The following CPNE8 variants were observed in gnomAD, a reference collection of about 807,000 sequenced individuals.
CPNE8 encodes the protein copine-8.
A neutral mutation model predicts 81.5 loss-of-function variants in CPNE8; 45 were observed. The ratio of observed to expected loss-of-function variants is 0.55; its 90% confidence interval spans 0.44 to 0.71. CPNE8 has a LOEUF of 0.71. Among genes scored for constraint, CPNE8 ranks in the 30% least tolerant of loss-of-function variants. CPNE8 has a pLI of 0.00. For synonymous variants in CPNE8, 252 were observed against 226.3 expected (o/e 1.11, Z -1.02); for missense variants, 594 against 672.1 (o/e 0.88, Z 1.28).
At chr12:38,703,159 G>A (rs190585556) in intron 13 of CPNE8, among the ~76,000 whole-genome samples, 234 of 151,958 alleles carry the variant, frequency 1.5e-3, no homozygotes, top group African/African-American at 5.4e-3. Context: ...CTAAAGTCTC[G>A]GGAATAAAAG....
upstream of CPNE8, chr12:38,906,758 G>C (rs1169157681): frequency 3.5e-6 from 1 of 285,736 alleles, no homozygotes; most frequent in African/African-American, 2.3e-5. Flanking sequence ...TGCCTCACCC[G>C]AGCGCCTGCG....
intron 10 of CPNE8, among the ~76,000 whole-genome samples, chr12:38,747,609 T>C (rs934352508): frequency 3.3e-5 from 5 of 152,174 alleles, no homozygotes; most frequent in Non-Finnish European, 5.9e-5. Context: ...GAAAATATTC[T>C]AGATACACTG....
At chr12:38,768,332 A>G (rs1941731981) in intron 7 of CPNE8, among the ~76,000 whole-genome samples, 2 of 152,126 alleles carry the variant, frequency 1.3e-5, no homozygotes, top group African/African-American at 4.8e-5. Flanking sequence ...TTTGCATGTT[A>G]ATTATTATGT....
intron 3 of CPNE8, among the ~76,000 whole-genome samples, chr12:38,865,830 C>A (rs1205051879): frequency 6.6e-6 from 1 of 152,172 alleles, no homozygotes. Flanking sequence ...CAGCTAACAA[C>A]CAGCAAAGTT....
At chr12:38,702,389 G>A (rs1939969063) in intron 14 of CPNE8, among the ~76,000 whole-genome samples, 1 of 152,012 alleles carries the variant, frequency 6.6e-6, no homozygotes, top group Admixed American at 6.6e-5. Context: ...GTTAACATAA[G>A]TAATTATTAA....
intron 3 of CPNE8, among the ~76,000 whole-genome samples, chr12:38,852,239 C>G (rs555297631): frequency 6.6e-6 from 1 of 152,124 alleles, no homozygotes; most frequent in Admixed American, 6.5e-5. Flanking sequence ...ACCAGCCTGA[C>G]CAACATGGAG....
At chr12:38,682,091 A>G (rs1003961788) in intron 16 of CPNE8, among the ~76,000 whole-genome samples, 26 of 152,070 alleles carry the variant, frequency 1.7e-4, no homozygotes, top group Non-Finnish European at 2.9e-5. Context: ...GTGGTGGCAC[A>G]TACCAGTATT....
intron 18 of CPNE8, 120 bp downstream of exon 18, chr12:38,675,597 A>C: frequency 1.5e-6 from 1 of 673,410 alleles, no homozygotes; most frequent in Non-Finnish European, 2.6e-6. Flanking sequence ...TGAACATTAT[A>C]TACAAACCCA....
At chr12:38,662,684 C>A (rs1938985171) in intron 19 of CPNE8, among the ~76,000 whole-genome samples, 1 of 152,050 alleles carries the variant, frequency 6.6e-6, no homozygotes. Context: ...ATAGCCAAAG[C>A]AATTCTGAGC....
chr12:38,805,611 T>A, intron 6 of CPNE8, among the ~76,000 whole-genome samples: 1 of 102,016 alleles, frequency 9.8e-6, no homozygotes, highest in East Asian at 4.3e-4. Context: ...TGTATACATA[T>A]GTAACTAACC....
chr12:38,905,868 A>G (rs1294017843), upstream of CPNE8: 3 of 985,228 alleles, frequency 3.0e-6, no homozygotes, highest in Admixed American at 6.1e-5. Context: ...TGGTGGACCC[A>G]GCAAGCAGCC....
intron 14 of CPNE8, among the ~76,000 whole-genome samples, chr12:38,695,036 T>C (rs909959077): frequency 1.3e-5 from 2 of 152,188 alleles, no homozygotes; most frequent in African/African-American, 4.8e-5. Context: ...TGGCTCCACA[T>C]AACAAAATCA....
chr12:38,781,104 T>TA (rs1942044104), intron 6 of CPNE8, among the ~76,000 whole-genome samples: 1 of 152,002 alleles, frequency 6.6e-6, no homozygotes, highest in African/African-American at 2.4e-5. Context: ...TAGAATTTCA[T>TA]AAAAAATGAG....
intron 19 of CPNE8, among the ~76,000 whole-genome samples, chr12:38,660,781 C>T (rs985581505): frequency 3.9e-5 from 6 of 151,980 alleles, no homozygotes; most frequent in African/African-American, 1.5e-4. Flanking sequence ...AAAAACAACC[C>T]CATCTAAAAG....
intron 3 of CPNE8, among the ~76,000 whole-genome samples, chr12:38,859,520 A>G (rs894181631): frequency 2.0e-5 from 3 of 152,180 alleles, no homozygotes; most frequent in Non-Finnish European, 4.4e-5. Flanking sequence ...TCTTTGATTG[A>G]ATGCAATAAT....
Position 38,653,922 on chromosome 12 carries a change from G to C in CPNE8, c.1655C>G (p.Pro552Arg). 6.2e-7 allele frequency: 1 copy of C among 1,613,468 alleles called. No individual in the cohort carries two copies. Among genetic ancestry groups the C allele is most frequent in the Non-Finnish European group, 8.5e-7 (1 of 1,179,890 alleles). ...TAACACATGTGTAGGTGGGGTGTATGGGGGAGGCGCAGGTGATGGCTTGAT... is the reference window on the plus strand; with the variant it reads ...TAACACATGTGTAGGTGGGGTGTATCGGGGAGGCGCAGGTGATGGCTTGAT... ...RGIKPSPAPP[P>R]YTPPTHVLQT... Residue 552 changes from proline to arginine, a missense_variant, in exon 20 of 20, where the codon CCA becomes CGA. Pro to Arg is a moderately radical substitution (Grantham distance 103, BLOSUM62 -2). Coordinates refer to ENST00000331366, the MANE Select transcript of CPNE8 (RefSeq NM_153634.3).
chr12:38,681,397 C>T (rs1592006227), intron 16 of CPNE8, among the ~76,000 whole-genome samples: 1 of 152,032 alleles, frequency 6.6e-6, no homozygotes, highest in East Asian at 1.9e-4. Context: ...GTATTTTAGA[C>T]ATTCAACATA....
At chr12:38,799,266 C>G (rs570122271) in intron 6 of CPNE8, among the ~76,000 whole-genome samples, 1 of 152,056 alleles carries the variant, frequency 6.6e-6, no homozygotes, top group African/African-American at 2.4e-5. Flanking sequence ...GCACACCACA[C>G]CTATTCCAAA....
intron 13 of CPNE8, among the ~76,000 whole-genome samples, chr12:38,709,511 A>G (rs12301317): frequency 1.3e-5 from 2 of 152,162 alleles, no homozygotes; most frequent in African/African-American, 4.8e-5. Context: ...AAACTATTCA[A>G]TCTTCTGCAG....
Sources: gnomAD v4.1 joint callset for allele counts (sites outside exome capture counted in the v4.1 genomes callset) on GRCh38, gnomAD v4.1.1 for gene constraint, MANE v1.5 for transcripts, NCBI Gene and HGNC (gene_info 2026-07-23, HGNC 2026-07-21) for gene names.